The following NPHP1 variants were observed in gnomAD, a reference collection of about 807,000 sequenced individuals.
NPHP1 encodes nephrocystin 1.
NPHP1 carries 70 observed loss-of-function variants against 90.4 expected under a neutral mutation model. The observed-to-expected ratio is 0.77, with a 90% CI of 0.64 to 0.95. NPHP1 has a LOEUF of 0.95. Among genes scored for constraint, NPHP1 ranks in the 40% least tolerant of loss-of-function variants. The probability of loss-of-function intolerance (pLI) is 0.00; values close to 1 mark genes in which losing one functional copy is unlikely to be tolerated. For missense variants in NPHP1, 764 were observed against 795.9 expected (o/e 0.96, Z 0.48); for synonymous variants, 256 against 271.7 (o/e 0.94, Z 0.57).
intron 2 of NPHP1, among the ~76,000 whole-genome samples, chr2:110,181,278 C>CA (rs2104623578): frequency 6.6e-6 from 1 of 152,270 alleles, no homozygotes; most frequent in African/African-American, 2.4e-5. Flanking sequence ...TGTGCTCTAC[C>CA]AAAAAGCAGC....
intron 5 of NPHP1, among the ~76,000 whole-genome samples, chr2:110,168,972 C>A (rs1164390773): frequency 2.0e-5 from 3 of 152,028 alleles, no homozygotes; most frequent in Non-Finnish European, 4.4e-5. Flanking sequence ...TAAAGTTAAA[C>A]CCTATTTTTG....
chr2:110,201,253 C>T (rs1203156083), intron 2 of NPHP1, among the ~76,000 whole-genome samples, 168 bp downstream of exon 2: 1 of 152,144 alleles, frequency 6.6e-6, no homozygotes, highest in Non-Finnish European at 1.5e-5. Context: ...GCTGTCACAA[C>T]AGCAAGTCCG....
chr2:110,201,966 A>G (rs1003530201), intron 1 of NPHP1, among the ~76,000 whole-genome samples: 2 of 151,962 alleles, frequency 1.3e-5, no homozygotes, highest in African/African-American at 2.4e-5. Flanking sequence ...CCACAGACAA[A>G]CCTGTTTTGA....
chr2:110,189,963 A>T (rs747435046), intron 2 of NPHP1, among the ~76,000 whole-genome samples: 7 of 152,166 alleles, frequency 4.6e-5, no homozygotes, highest in Non-Finnish European at 8.8e-5. Flanking sequence ...AGCTAGACAT[A>T]AAGGTTCTCC....
rs539405452 is a variant in NPHP1 at position 110,160,885 on chromosome 2, G to C, written c.955-630C>G. 5.9e-5 allele frequency among the ~76,000 whole-genome samples: 9 copies of C among 152,166 alleles called. No homozygotes were observed. In the South Asian group the frequency reaches 8.3e-4, roughly 14 times the overall value. On this transcript the variant is annotated intron_variant, in intron 10 of 19. Coordinates refer to ENST00000445609, the MANE Select transcript of NPHP1 (RefSeq NM_001128178.3). ...CTTTTCATTTAAATAACTTATATTA[G>C]ACTGGGACTGGTGGCTCACACTTGT...
chr2:110,164,196 C>G (rs1021361524), intron 8 of NPHP1: 28 of 345,148 alleles, frequency 8.1e-5, no homozygotes, highest in Middle Eastern at 1.8e-3. Flanking sequence ...GCCACCACAC[C>G]TGGCTAATTT....
chr2:110,164,963 C>T (rs1682614222), intron 7 of NPHP1, 89 bp downstream of exon 7: 2 of 1,092,812 alleles, frequency 1.8e-6, no homozygotes, highest in Non-Finnish European at 2.8e-6. Context: ...GTCTCCATTT[C>T]AAGAAAGTAT....
chr2:110,189,304 C>G (rs1292718923), intron 2 of NPHP1, among the ~76,000 whole-genome samples: 1 of 152,068 alleles, frequency 6.6e-6, no homozygotes, highest in Non-Finnish European at 1.5e-5. Flanking sequence ...GAGTTTGTTC[C>G]TTCTGACGTT....
intron 10 of NPHP1, among the ~76,000 whole-genome samples, chr2:110,161,153 G>A (rs1406732506): frequency 6.6e-6 from 1 of 152,096 alleles, no homozygotes; most frequent in African/African-American, 2.4e-5. Flanking sequence ...GTGACAGAGG[G>A]AGACCCTGTC....
chr2:110,144,436 A>T, intron 15 of NPHP1, 57 bp downstream of exon 15: 2 of 1,112,104 alleles, frequency 1.8e-6, no homozygotes, highest in South Asian at 1.2e-5. Flanking sequence ...GCTACCTCTC[A>T]GATGCTTCTA....
At chr2:110,203,440 G>A (rs1685708185) in intron 1 of NPHP1, among the ~76,000 whole-genome samples, 1 of 152,078 alleles carries the variant, frequency 6.6e-6, no homozygotes, top group Non-Finnish European at 1.5e-5. Context: ...ATAAGACACA[G>A]AACCATATTA....
intron 2 of NPHP1, among the ~76,000 whole-genome samples, chr2:110,190,526 G>A (rs1321669677): frequency 2.6e-5 from 4 of 152,170 alleles, no homozygotes; most frequent in Admixed American, 6.5e-5. Flanking sequence ...CGGAACTCAC[G>A]CTGGCCCACA....
Position 110,161,701 on chromosome 2 carries a change from A to G in NPHP1, c.860-4T>C, listed in dbSNP as rs751270724. 6.2e-7 allele frequency: 1 copy of G among 1,601,468 alleles called. No homozygotes were observed. The highest frequency in any genetic ancestry group is 1.1e-5 in the South Asian group (1 of 90,764). The stretch of plus-strand genomic sequence containing the variant: ...TAATTTGCTCGAAATTGATTCCCTG[A>G]AAAAATCATTTTTTCTTCATTTTCT... On this transcript the variant is annotated splice_region_variant and splice_polypyrimidine_tract_variant and intron_variant, in intron 9 of 19. Coordinates refer to ENST00000445609, the MANE Select transcript of NPHP1 (RefSeq NM_001128178.3).
Position 110,123,827 on chromosome 2 carries a change from A to G in NPHP1, c.1998T>C (p.Tyr666=), listed in dbSNP as rs1301634267. 10 of 1,613,992 alleles carry G rather than the reference A, an allele frequency of 6.2e-6. No homozygotes were observed. Among genetic ancestry groups the G allele is most frequent in the Non-Finnish European group, 8.5e-6 (10 of 1,179,986 alleles). ...TCTTTCTCATTTCACCCAAGAAGTC[A>G]TAGGTCTGCTCTGAAAGGTCAAAAG... ...HEPFDLSEQT[Y]DFLGEMRKNA... The change falls in exon 20 of 20, where the codon TAT becomes TAC. Residue 666 remains tyrosine, a synonymous_variant. Transcript: ENST00000445609.
chr2:110,170,016 G>T lies in NPHP1; in HGVS notation c.330-18C>A. On this transcript the variant is annotated intron_variant, in intron 4 of 19. Transcript: ENST00000445609. ...CCCCAACTCTACAAAAAGTGTTTCT[G>T]AGTAGGACTACTTGAAATAATATAC... is the stretch of plus-strand genomic sequence containing the variant. The T allele has an allele frequency of 6.2e-7, 1 of 1,612,862 alleles. No homozygotes were observed.
intron 12 of NPHP1, 25 bp from the exon 13 acceptor site, chr2:110,148,051 T>C (rs1304510178): frequency 6.9e-7 from 1 of 1,446,698 alleles, no homozygotes; most frequent in Admixed American, 1.7e-5. Flanking sequence ...AAATTAAAGT[T>C]ATTGATAAAA....
chr2:110,160,041 T>G, intron 11 of NPHP1, 86 bp downstream of exon 11: 1 of 1,405,292 alleles, frequency 7.1e-7, no homozygotes, highest in Non-Finnish European at 1.0e-6. Context: ...CTCTTGGGAA[T>G]TGGGGAGGAG....
At chr2:110,182,433 C>A (rs1683969875) in intron 2 of NPHP1, among the ~76,000 whole-genome samples, 2 of 151,856 alleles carry the variant, frequency 1.3e-5, no homozygotes, top group South Asian at 4.2e-4. Flanking sequence ...TAACAGCATA[C>A]CTCTCAGTGG....
chr2:110,167,127 A>G (rs1682778229), intron 6 of NPHP1, among the ~76,000 whole-genome samples: 1 of 152,096 alleles, frequency 6.6e-6, no homozygotes. Context: ...AATGAAAAAC[A>G]TGTATTTGTT....
Sources: gnomAD v4.1 joint callset for allele counts (sites outside exome capture counted in the v4.1 genomes callset) on GRCh38, gnomAD v4.1.1 for gene constraint, MANE v1.5 for transcripts, NCBI Gene and HGNC (gene_info 2026-07-23, HGNC 2026-07-21) for gene names.